TRIM24: variants seen among roughly 807,000 people sequenced by gnomAD.
TRIM24 encodes the protein transcription intermediary factor 1-alpha.
A neutral mutation model predicts 123.9 loss-of-function variants in TRIM24; 29 were observed. The observed-to-expected ratio is 0.23, with a 90% CI of 0.17 to 0.32. The LOEUF (loss-of-function observed/expected upper bound fraction) is 0.32. Ranked by LOEUF, TRIM24 falls within the 10% of genes least tolerant of loss-of-function variation. The pLI, the probability that TRIM24 is intolerant of heterozygous loss-of-function variation, is 1.00. For missense variants in TRIM24, 932 were observed against 1,295.3 expected (o/e 0.72, Z 4.31); for synonymous variants, 456 against 461.1 (o/e 0.99, Z 0.14).
At chr7:138,474,462 C>G (rs918401015) in intron 1 of TRIM24, among the ~76,000 whole-genome samples, 3 of 152,066 alleles carry the variant, frequency 2.0e-5, no homozygotes, top group Non-Finnish European at 4.4e-5. Flanking sequence ...TCCAAGGAGC[C>G]CCAATTCCTT....
intron 8 of TRIM24, among the ~76,000 whole-genome samples, chr7:138,553,768 C>T (rs1477223101): frequency 6.6e-6 from 1 of 152,148 alleles, no homozygotes; most frequent in Non-Finnish European, 1.5e-5. Context: ...TAGTCTGGTA[C>T]TCTTTCAGGG....
chr7:138,589,524 A>G lies in TRIM24; in HGVS notation c.*4573A>G, dbSNP rs953024685. The G allele has an allele frequency of 1.3e-5, 2 of 152,208 alleles. No individual in the cohort carries two copies. Among genetic ancestry groups the G allele is most frequent in the African/African-American group, 2.4e-5 (1 of 41,448 alleles). 9.4% of individuals were successfully genotyped at this position (152,208 alleles called of 1,614,324 possible). A position where few individuals can be genotyped will look rare whatever the true frequency, so the allele number is the denominator to read the frequency against. On this transcript the variant is annotated 3_prime_UTR_variant, in exon 19 of 19. Coordinates refer to ENST00000343526, the MANE Select transcript of TRIM24 (RefSeq NM_015905.3). ...TATAGGGGCAAGCTACTAGTCCATA[A>G]ATAGCTGTAATAGGAAAACAGTTTT...
intron 1 of TRIM24, among the ~76,000 whole-genome samples, chr7:138,477,655 A>G (rs1357380461): frequency 1.3e-5 from 2 of 152,192 alleles, no homozygotes; most frequent in Non-Finnish European, 2.9e-5. Flanking sequence ...TATTGCATTC[A>G]GTGGTGTGTT....
chr7:138,531,316 C>G (rs908048219), intron 6 of TRIM24, among the ~76,000 whole-genome samples: 2 of 146,736 alleles, frequency 1.4e-5, no homozygotes, highest in African/African-American at 5.5e-5. Flanking sequence ...GTGCTGCACC[C>G]ATTAACTCGT....
chr7:138,476,549 T>C lies in TRIM24; in HGVS notation c.364+15637T>C, dbSNP rs574316669. The stretch of plus-strand genomic sequence containing the variant: ...CGGAGGTTGCAGTGAGCTGAGATCA[T>C]GCCACTGCACTCCAGCCTGGGCGAC... On this transcript the variant is annotated intron_variant, in intron 1 of 18. Coordinates refer to ENST00000343526, the MANE Select transcript of TRIM24 (RefSeq NM_015905.3). Among the ~76,000 whole-genome samples the C allele has an allele frequency of 9.5e-5, 14 of 147,208 alleles. No homozygotes were observed. In the East Asian group the frequency reaches 1.2e-3, roughly 13 times the overall value.
intron 1 of TRIM24, among the ~76,000 whole-genome samples, chr7:138,479,026 T>C (rs944628109): frequency 6.6e-6 from 1 of 152,226 alleles, no homozygotes. Context: ...TAACAAATTC[T>C]GTCAATTCTC....
rs56084378 is a variant in TRIM24 at position 138,564,312 on chromosome 7, C to G, written c.1531-3169C>G. ...CCCACTTGATCATCTTATCTTTCTT[C>G]CCTGACCTCCTGGGGCTCCGATCTT... On this transcript the variant is annotated intron_variant, in intron 9 of 18. Transcript: ENST00000343526. 3.2e-3 allele frequency among the ~76,000 whole-genome samples: 481 copies of G among 152,282 alleles called. 9 individuals carry two copies. Among genetic ancestry groups the G allele is most frequent in the African/African-American group, 0.011 (472 of 41,564 alleles).
intron 14 of TRIM24, among the ~76,000 whole-genome samples, chr7:138,577,933 A>C (rs904169852): frequency 1.1e-4 from 16 of 152,336 alleles, no homozygotes; most frequent in African/African-American, 3.6e-4. Flanking sequence ...TCTCAGGAAG[A>C]TACTTGATAA....
At chr7:138,521,983 G>A (rs1007763623) in intron 4 of TRIM24, among the ~76,000 whole-genome samples, 5 of 152,224 alleles carry the variant, frequency 3.3e-5, no homozygotes, top group Middle Eastern at 3.4e-3. Flanking sequence ...AATTGAAGCC[G>A]AGCAGTGTGG....
intron 1 of TRIM24, among the ~76,000 whole-genome samples, chr7:138,466,463 CT>C (rs577317171): frequency 6.9e-4 from 51 of 74,060 alleles, no homozygotes; most frequent in East Asian, 2.2e-3. Context: ...ACTTAAGTTG[CT>C]TTTTTTTTTT....
intron 3 of TRIM24, among the ~76,000 whole-genome samples, chr7:138,517,714 A>G (rs1444601657): frequency 6.6e-6 from 1 of 152,132 alleles, no homozygotes; most frequent in African/African-American, 2.4e-5. Context: ...CACTATTGAC[A>G]TTTTGAGCTA....
chr7:138,539,237 A>G (rs935004550), intron 7 of TRIM24, among the ~76,000 whole-genome samples: 1 of 152,148 alleles, frequency 6.6e-6, no homozygotes. Flanking sequence ...ATCACACAAT[A>G]TGAGGTATAG....
chr7:138,476,051 T>C (rs1020645068), intron 1 of TRIM24, among the ~76,000 whole-genome samples: 2 of 151,682 alleles, frequency 1.3e-5, no homozygotes, highest in Non-Finnish European at 2.9e-5. Flanking sequence ...AGCTTTCATT[T>C]AAAAAAAAGA....
At chr7:138,569,937 C>G (rs1209838599) in intron 10 of TRIM24, among the ~76,000 whole-genome samples, 1 of 150,062 alleles carries the variant, frequency 6.7e-6, no homozygotes, top group Non-Finnish European at 1.5e-5. Flanking sequence ...GTCCATTCAT[C>G]AAGTCATCCT....
At chr7:138,526,402 T>C (rs1796610835) in intron 5 of TRIM24, among the ~76,000 whole-genome samples, 1 of 152,198 alleles carries the variant, frequency 6.6e-6, no homozygotes, top group Admixed American at 6.5e-5. Context: ...TAGTTTTTCT[T>C]GTTATCAGCT....
chr7:138,478,780 A>G (rs1173146337), intron 1 of TRIM24, among the ~76,000 whole-genome samples: 1 of 152,216 alleles, frequency 6.6e-6, no homozygotes, highest in Admixed American at 6.5e-5. Context: ...GAAAGTACCT[A>G]GTTAGAGGCT....
chr7:138,508,700 C>CGCGCGCGTGTGTGCGTGTGT lies in TRIM24; in HGVS notation c.483+4293_483+4294insCGCGCGTGTGTGCGTGTGTG, dbSNP rs1182276337. ...GTGTGTGTGTGTGTGTGTGCGCGCG[C>CGCGCGCGTGTGTGCGTGTGT]GTGTGTGCGTGTGTGTGTGCGTGTG... On this transcript the variant is annotated intron_variant, in intron 2 of 18. Transcript: ENST00000343526. Among the ~76,000 whole-genome samples the CGCGCGCGTGTGTGCGTGTGT allele has an allele frequency of 2.5e-4, 9 of 35,574 alleles. 1 individual carries two copies. The South Asian group carries it at 5.7e-3, about 23-fold the overall frequency. 23.3% of individuals were successfully genotyped at this position (35,574 alleles called of 152,430 possible). A position where few individuals can be genotyped will look rare whatever the true frequency, so the allele number is the denominator to read the frequency against.
chr7:138,492,934 TCA>T (rs1424125064), intron 1 of TRIM24, among the ~76,000 whole-genome samples: 1 of 152,230 alleles, frequency 6.6e-6, no homozygotes, highest in East Asian at 1.9e-4. Flanking sequence ...CTTTATTTTT[TCA>T]TTTTAATCTT....
chr7:138,519,183 CT>C lies in TRIM24; in HGVS notation c.632-5del, dbSNP rs772150376. On this transcript the variant is annotated splice_region_variant and splice_polypyrimidine_tract_variant and intron_variant, in intron 3 of 18. Coordinates refer to ENST00000343526, the MANE Select transcript of TRIM24 (RefSeq NM_015905.3). Reference sequence around the variant, plus strand: ...TTCTTCTCTTTGTCTCCCATTGTTTCTGCAGAGGCAGTTGGTGTCACCAGCC... The same window carrying C: ...TTCTTCTCTTTGTCTCCCATTGTTTCGCAGAGGCAGTTGGTGTCACCAGCC... 1.2e-6 allele frequency: 2 copies of C among 1,614,056 alleles called. No individual in the cohort carries two copies. Among genetic ancestry groups the C allele is most frequent in the Admixed American group, 1.7e-5 (1 of 60,016 alleles).
Sources: allele counts gnomAD v4.1 joint callset (sites outside exome capture counted in the v4.1 genomes callset), GRCh38; gene constraint gnomAD v4.1.1; transcripts MANE v1.5; gene names NCBI Gene and HGNC (gene_info 2026-07-23, HGNC 2026-07-21).